Variants in RAB38 observed in about 807,000 individuals in gnomAD.
RAB38 encodes the protein RAB38, member RAS oncogene family.
RAB38 carries 15 observed loss-of-function variants against 18.4 expected under a neutral mutation model. The observed-to-expected ratio is 0.82, with a 90% CI of 0.55 to 1.26. The LOEUF (loss-of-function observed/expected upper bound fraction) is 1.26, where lower values mean the gene tolerates loss of function less well. Among genes scored for constraint, RAB38 ranks in the 50% most tolerant of loss-of-function variants. The pLI is 0.00. For missense variants in RAB38, 294 were observed against 267.4 expected, an observed-to-expected ratio of 1.10 and a Z score of -0.69; for synonymous variants, 101 against 104.4, an observed-to-expected ratio of 0.97 and a Z score of 0.20.
the RAB38 span, among the ~76,000 whole-genome samples, chr11:88,028,762 A>G: frequency 6.6e-6 from 1 of 152,196 alleles, no homozygotes; most frequent in African/African-American, 2.4e-5. Flanking sequence ...ATTGGTGTAC[A>G]TGAAAGTGAC....
At chr11:87,976,591 T>A in the RAB38 span, among the ~76,000 whole-genome samples, 1 of 106,022 alleles carries the variant, frequency 9.4e-6, no homozygotes, top group Non-Finnish European at 1.8e-5. Context: ...ATATTTTATA[T>A]ACTGTCTATA....
At chr11:88,055,404 C>T in the RAB38 span, among the ~76,000 whole-genome samples, 1 of 152,110 alleles carries the variant, frequency 6.6e-6, no homozygotes, top group Non-Finnish European at 1.5e-5. Context: ...TACACAGTAA[C>T]ATGAATAATA....
At chr11:87,829,307 C>T in the RAB38 span, among the ~76,000 whole-genome samples, 1 of 152,166 alleles carries the variant, frequency 6.6e-6, no homozygotes, top group Non-Finnish European at 1.5e-5. Flanking sequence ...TGAAACAAAC[C>T]TGCACATGTA....
At chr11:87,961,447 G>A in the RAB38 span, among the ~76,000 whole-genome samples, 9 of 152,100 alleles carry the variant, frequency 5.9e-5, no homozygotes, top group South Asian at 2.1e-4. Context: ...TATCACAGCC[G>A]TGCAAGTGGC....
chr11:87,840,221 T>G, the RAB38 span, among the ~76,000 whole-genome samples: 1 of 152,180 alleles, frequency 6.6e-6, no homozygotes, highest in Non-Finnish European at 1.5e-5. Context: ...AAAATTAATG[T>G]CACTGCCAGA....
At chr11:87,972,350 AG>A in the RAB38 span, among the ~76,000 whole-genome samples, 1 of 152,098 alleles carries the variant, frequency 6.6e-6, no homozygotes, top group Non-Finnish European at 1.5e-5. Context: ...GAACATGGGA[AG>A]AAACAAGTGA....
the RAB38 span, among the ~76,000 whole-genome samples, chr11:87,837,985 C>A: frequency 7.2e-5 from 11 of 152,140 alleles, no homozygotes; most frequent in African/African-American, 2.7e-4. Flanking sequence ...CAGAGTTTAA[C>A]TCTTAATAAG....
chr11:87,976,938 TA>T, the RAB38 span, among the ~76,000 whole-genome samples: 219 of 71,076 alleles, frequency 3.1e-3, 87 homozygotes, highest in Middle Eastern at 0.031. Context: ...ATTATACAAG[TA>T]TATTATAAAA....
chr11:88,085,758 C>T, the RAB38 span, among the ~76,000 whole-genome samples: 1 of 151,902 alleles, frequency 6.6e-6, no homozygotes, highest in South Asian at 2.1e-4. Flanking sequence ...ACTATAACTG[C>T]AAAGTTGAGT....
chr11:87,847,730 T>G, the RAB38 span, among the ~76,000 whole-genome samples: 1 of 152,136 alleles, frequency 6.6e-6, no homozygotes, highest in South Asian at 2.1e-4. Flanking sequence ...TTCTTTCTTG[T>G]TATGACGATC....
At chr11:87,897,048 T>C in the RAB38 span, among the ~76,000 whole-genome samples, 1 of 151,680 alleles carries the variant, frequency 6.6e-6, no homozygotes, top group African/African-American at 2.4e-5. Context: ...AGAAACTCTA[T>C]AGCTTAGAAG....
the RAB38 span, among the ~76,000 whole-genome samples, chr11:88,080,070 A>G: frequency 6.6e-6 from 1 of 151,810 alleles, no homozygotes; most frequent in Non-Finnish European, 1.5e-5. Flanking sequence ...ACAAAAATAA[A>G]GATATATAGA....
the RAB38 span, among the ~76,000 whole-genome samples, chr11:88,010,293 A>C: frequency 9.4e-6 from 1 of 106,870 alleles, no homozygotes; most frequent in Non-Finnish European, 2.0e-5. Context: ...ACAGTCATTT[A>C]ATGAGTTTCT....
the RAB38 span, among the ~76,000 whole-genome samples, chr11:88,016,303 A>C: frequency 6.6e-6 from 1 of 152,160 alleles, no homozygotes; most frequent in Non-Finnish European, 1.5e-5. Context: ...CTCACCTGGT[A>C]ACAGTAGAAT....
chr11:88,023,230 T>A, the RAB38 span, among the ~76,000 whole-genome samples: 1 of 151,998 alleles, frequency 6.6e-6, no homozygotes, highest in African/African-American at 2.4e-5. Flanking sequence ...AAAAACATCA[T>A]ACAAAATCAG....
chr11:87,878,222 T>TATATATATATATATACACACAC, the RAB38 span, among the ~76,000 whole-genome samples: 48 of 116,206 alleles, frequency 4.1e-4, 4 homozygotes, highest in African/African-American at 1.8e-3. Flanking sequence ...TATATATATA[T>TATATATATATATATACACACAC]ACACACATAT....
At chr11:87,840,354 A>T in the RAB38 span, among the ~76,000 whole-genome samples, 1 of 152,224 alleles carries the variant, frequency 6.6e-6, no homozygotes, top group Non-Finnish European at 1.5e-5. Context: ...AGCAAATAGT[A>T]TAAAACTAAG....
chr11:88,097,707 A>G, the RAB38 span, among the ~76,000 whole-genome samples: 2 of 151,790 alleles, frequency 1.3e-5, no homozygotes, highest in Non-Finnish European at 2.9e-5. Context: ...CTCAACCTGT[A>G]CCTCCTCCAA....
the RAB38 span, among the ~76,000 whole-genome samples, chr11:87,953,582 ATTT>A: frequency 2.6e-4 from 40 of 152,116 alleles, no homozygotes; most frequent in African/African-American, 9.2e-4. Flanking sequence ...CATTATTATT[ATTT>A]ATTGTTAATC....
Sources: gnomAD v4.1 joint callset for allele counts (sites outside exome capture counted in the v4.1 genomes callset) on GRCh38, gnomAD v4.1.1 for gene constraint, MANE v1.5 for transcripts, NCBI Gene and HGNC (gene_info 2026-07-23, HGNC 2026-07-21) for gene names.